The following EIF4E variants were observed in gnomAD, a reference collection of about 807,000 sequenced individuals.
EIF4E encodes eIF-4F 25 kDa subunit.
For synonymous variants in EIF4E, 71 were observed against 88.5 expected (o/e 0.80, Z 1.11); for missense variants, 113 against 265.6 (o/e 0.43, Z 3.99).
chr4:98,918,561 A>C (rs1024146357), intron 1 of EIF4E, among the ~76,000 whole-genome samples: 5 of 152,142 alleles, frequency 3.3e-5, no homozygotes, highest in Non-Finnish European at 7.4e-5. Flanking sequence ...ATCCGTTGTC[A>C]AAACATCTAC....
chr4:98,909,394 A>C, intron 1 of EIF4E: 1 of 387,146 alleles, frequency 2.6e-6, no homozygotes, highest in Non-Finnish European at 4.6e-6. Context: ...TTCATTTGAC[A>C]AATTAAATCA....
At chr4:98,910,888 C>T (rs916676390) in intron 1 of EIF4E, among the ~76,000 whole-genome samples, 7 of 151,512 alleles carry the variant, frequency 4.6e-5, no homozygotes, top group Admixed American at 1.3e-4. Context: ...CACCACCACA[C>T]CTGGCTAATT....
chr4:98,910,984 T>C (rs1725100187), intron 1 of EIF4E, among the ~76,000 whole-genome samples: 1 of 152,052 alleles, frequency 6.6e-6, no homozygotes, highest in African/African-American at 2.4e-5. Context: ...TCCGCCCACC[T>C]TGGCCTCCTA....
At chr4:98,913,595 C>G (rs1256584313) in intron 1 of EIF4E, among the ~76,000 whole-genome samples, 1 of 152,150 alleles carries the variant, frequency 6.6e-6, no homozygotes, top group Non-Finnish European at 1.5e-5. Context: ...CATGAGCCAC[C>G]ACACCTGCCT....
chr4:98,883,924 A>G (rs1723805097), intron 6 of EIF4E, among the ~76,000 whole-genome samples: 1 of 151,678 alleles, frequency 6.6e-6, no homozygotes, highest in South Asian at 2.1e-4. Flanking sequence ...CTGTAGTTGC[A>G]GCTAATTGGG....
At chr4:98,919,832 T>C (rs574022239) in intron 1 of EIF4E, among the ~76,000 whole-genome samples, 2 of 152,278 alleles carry the variant, frequency 1.3e-5, no homozygotes, top group South Asian at 2.1e-4. Context: ...GTGCTGGGAT[T>C]ACAGGCGTGA....
intron 2 of EIF4E, among the ~76,000 whole-genome samples, chr4:98,900,645 A>C (rs1405634513): frequency 6.6e-6 from 1 of 152,176 alleles, no homozygotes; most frequent in African/African-American, 2.4e-5. Context: ...TTTCCTCTAG[A>C]TTGTTACAAT....
intron 6 of EIF4E, among the ~76,000 whole-genome samples, chr4:98,881,454 AAAGT>A (rs1448169465): frequency 9.9e-5 from 15 of 152,168 alleles, no homozygotes; most frequent in East Asian, 3.9e-4. Context: ...AACAGTGAAC[AAAGT>A]AAGGACAGTC....
intron 1 of EIF4E, among the ~76,000 whole-genome samples, chr4:98,915,024 G>A (rs1258312503): frequency 6.6e-6 from 1 of 152,118 alleles, no homozygotes; most frequent in East Asian, 1.9e-4. Flanking sequence ...GCTCACTGAA[G>A]TCTCGACCTC....
At position 98,914,361 on chromosome 4, in the gene EIF4E, C is replaced by CAAAAAAAAAAA. The variant is rs1159581783; in HGVS notation, c.19-12390_19-12380dup. ...CTGGCAACAGAGCCAGACTCCGTCT[C>CAAAAAAAAAAA]AAAAAAAAAAAAAAAAAAAAAAAAA... is the stretch of plus-strand genomic sequence containing the variant. On this transcript the variant is annotated intron_variant, in intron 1 of 6. Transcript: ENST00000450253. 2.9e-4 allele frequency among the ~76,000 whole-genome samples: 10 copies of CAAAAAAAAAAA among 34,838 alleles called. 1 individual carries two copies. Among genetic ancestry groups the CAAAAAAAAAAA allele is most frequent in the African/African-American group, 8.3e-4 (8 of 9,634 alleles). 22.9% of individuals were successfully genotyped at this position (34,838 alleles called of 152,430 possible).
chr4:98,893,665 G>T (rs1560638190), intron 2 of EIF4E, among the ~76,000 whole-genome samples: 1 of 152,156 alleles, frequency 6.6e-6, no homozygotes, highest in Non-Finnish European at 1.5e-5. Flanking sequence ...TTGGTCTCTT[G>T]CTCTCTGCAC....
intron 1 of EIF4E, among the ~76,000 whole-genome samples, chr4:98,920,676 AG>A (rs1255466114): frequency 6.6e-6 from 1 of 152,194 alleles, no homozygotes; most frequent in Non-Finnish European, 1.5e-5. Context: ...ACTAAGTCAA[AG>A]AAAAAAAACA....
chr4:98,903,085 G>A (rs566084244), intron 1 of EIF4E, among the ~76,000 whole-genome samples: 6 of 152,274 alleles, frequency 3.9e-5, no homozygotes, highest in Middle Eastern at 3.4e-3. Context: ...AAAGTAGTCT[G>A]GGGGCAGTAA....
chr4:98,915,459 A>G (rs1463062505), intron 1 of EIF4E, among the ~76,000 whole-genome samples: 1 of 152,198 alleles, frequency 6.6e-6, no homozygotes, highest in Non-Finnish European at 1.5e-5. Context: ...TAAACATCTG[A>G]AACTACTCCT....
Position 98,924,874 on chromosome 4 carries a change from C to T in EIF4E, c.18+4221G>A, listed in dbSNP as rs192056569. 8.8e-3 allele frequency among the ~76,000 whole-genome samples: 1,347 copies of T among 152,302 alleles called. 22 individuals carry two copies. Among genetic ancestry groups the T allele is most frequent in the African/African-American group, 0.031 (1,285 of 41,570 alleles). ...CCTCCCAAAGTGCTGAGATTACAGG[C>T]GTGAGCCACCGCACTCAGCAAGTAT... On this transcript the variant is annotated intron_variant, in intron 1 of 6. Coordinates refer to ENST00000450253, the MANE Select transcript of EIF4E (RefSeq NM_001968.5).
intron 1 of EIF4E, among the ~76,000 whole-genome samples, chr4:98,922,951 G>A (rs532241974): frequency 1.3e-5 from 2 of 150,580 alleles, no homozygotes; most frequent in Non-Finnish European, 1.5e-5. Context: ...AGGTTCAAAC[G>A]ATTCTTCTGC....
chr4:98,896,032 C>T (rs1337010076), intron 2 of EIF4E, among the ~76,000 whole-genome samples: 1 of 149,592 alleles, frequency 6.7e-6, no homozygotes, highest in Admixed American at 6.7e-5. Context: ...CCCGTCTCTA[C>T]TAAAAATACA....
rs1344957976 is a variant in EIF4E at position 98,879,324 on chromosome 4, C to A, written c.*1704G>T. The A allele has an allele frequency of 6.6e-6, 1 of 152,038 alleles. No homozygotes were observed. Among genetic ancestry groups the A allele is most frequent in the African/African-American group, 2.4e-5 (1 of 41,390 alleles). The allele number at this position is 152,038 out of a possible 1,614,324, so 9.4% of individuals were successfully genotyped here. A position where few individuals can be genotyped will look rare whatever the true frequency, so the allele number is the denominator to read the frequency against. On this transcript the variant is annotated 3_prime_UTR_variant, in exon 7 of 7. Coordinates refer to ENST00000450253, the MANE Select transcript of EIF4E (RefSeq NM_001968.5). ...CATACAGGGTTTTTGTCAAGTTTATCAGTTTTAAAATGATTAAGTCATAAT... is the reference window on the plus strand; with the variant it reads ...CATACAGGGTTTTTGTCAAGTTTATAAGTTTTAAAATGATTAAGTCATAAT...
chr4:98,900,486 T>A (rs1306906069), intron 2 of EIF4E, among the ~76,000 whole-genome samples: 1 of 152,126 alleles, frequency 6.6e-6, no homozygotes, highest in Non-Finnish European at 1.5e-5. Flanking sequence ...CATAAAAAAA[T>A]TTTAATAAAT....
Sources: gnomAD v4.1 joint callset for allele counts (sites outside exome capture counted in the v4.1 genomes callset) on GRCh38, gnomAD v4.1.1 for gene constraint, MANE v1.5 for transcripts, NCBI Gene and HGNC (gene_info 2026-07-23, HGNC 2026-07-21) for gene names.